Variants in FAXC observed in about 807,000 individuals in gnomAD.
FAXC encodes failed axon connections homolog, metaxin like GST domain containing, also known as failed axon connections homolog.
A neutral mutation model predicts 41.9 loss-of-function variants in FAXC; 10 were observed. The observed-to-expected ratio is 0.24, with a 90% confidence interval of 0.15 to 0.41. The LOEUF is 0.41. FAXC is among the 10% of genes least tolerant of loss of function. The probability of loss-of-function intolerance (pLI) is 1.00; values close to 1 mark genes in which losing one functional copy is unlikely to be tolerated. For synonymous variants in FAXC, 183 were observed against 183.8 expected, an observed-to-expected ratio of 1.00 and a Z score of 0.03; for missense variants, 399 against 510.9, an observed-to-expected ratio of 0.78 and a Z score of 2.11.
intron 3 of FAXC, among the ~76,000 whole-genome samples, chr6:99,325,830 C>T (rs1388677585): frequency 1.3e-5 from 2 of 152,082 alleles, no homozygotes; most frequent in East Asian, 1.9e-4. Context: ...TAATAGCATC[C>T]GAAAAGCATC....
intron 5 of FAXC, among the ~76,000 whole-genome samples, chr6:99,288,859 T>TATACACACACACACACACACACACAC (rs145248580): frequency 6.9e-6 from 1 of 145,736 alleles, no homozygotes; most frequent in Non-Finnish European, 1.5e-5. Flanking sequence ...CACACACACA[T>TATACACACACACACACACACACACAC]ACACACACAC....
intron 4 of FAXC, among the ~76,000 whole-genome samples, chr6:99,310,132 A>G (rs1359538036): frequency 6.6e-6 from 1 of 152,164 alleles, no homozygotes; most frequent in Non-Finnish European, 1.5e-5. Context: ...AAAAAAGTCT[A>G]CTGTCTAGGC....
At chr6:99,310,791 C>T (rs1772125925) in intron 4 of FAXC, among the ~76,000 whole-genome samples, 1 of 152,232 alleles carries the variant, frequency 6.6e-6, no homozygotes, top group Admixed American at 6.5e-5. Context: ...TCCTTTTCCA[C>T]TGCCTGGTTC....
chr6:99,304,461 C>A (rs1181834279), intron 4 of FAXC, among the ~76,000 whole-genome samples: 1 of 152,032 alleles, frequency 6.6e-6, no homozygotes, highest in Non-Finnish European at 1.5e-5. Flanking sequence ...AAACACAAAC[C>A]CCACGTTTCC....
At position 99,273,641 on chromosome 6, in the gene FAXC, T is replaced by C. The variant is rs549754673; in HGVS notation, c.*7523A>G. On this transcript the variant is annotated 3_prime_UTR_variant, in exon 6 of 6. Coordinates refer to ENST00000389677, the MANE Select transcript of FAXC (RefSeq NM_032511.4). ...CAAAAATGCCTATTTTAAGTAAAAATAATTAAATACCTTGACCTAAAATCA... is the reference window on the plus strand; with the variant it reads ...CAAAAATGCCTATTTTAAGTAAAAACAATTAAATACCTTGACCTAAAATCA... 6.6e-6 allele frequency: 1 copy of C among 151,768 alleles called. No individual in the cohort carries two copies. Among genetic ancestry groups the C allele is most frequent in the East Asian group, 1.9e-4 (1 of 5,170 alleles). The allele number at this position is 151,768 out of a possible 1,614,324, so 9.4% of individuals were successfully genotyped here.
intron 1 of FAXC, among the ~76,000 whole-genome samples, chr6:99,344,055 C>A (rs1773511297): frequency 6.6e-6 from 1 of 152,192 alleles, no homozygotes; most frequent in Admixed American, 6.5e-5. Context: ...GGTGTCAAAT[C>A]CAAGCCCTGC....
chr6:99,325,964 G>C (rs981776630), intron 3 of FAXC, among the ~76,000 whole-genome samples: 1 of 152,198 alleles, frequency 6.6e-6, no homozygotes, highest in African/African-American at 2.4e-5. Context: ...GGGCAGAGCA[G>C]AGGGTGAAGG....
rs951824808 is a variant in FAXC at position 99,280,960 on chromosome 6, C to T, written c.*204G>A. 3 of 516,278 alleles carry T rather than the reference C, an allele frequency of 5.8e-6. No homozygotes were observed. Among genetic ancestry groups the T allele is most frequent in the South Asian group, 2.8e-5 (1 of 35,422 alleles). The allele number at this position is 516,278 out of a possible 1,614,324, so 32.0% of individuals were successfully genotyped here. The stretch of plus-strand genomic sequence containing the variant: ...GGAACCATGCTGACATTATTTTTTG[C>T]CTGTTTGTTTTCAATGGAGTCATCT... On this transcript the variant is annotated 3_prime_UTR_variant, in exon 6 of 6. Coordinates refer to ENST00000389677, the MANE Select transcript of FAXC (RefSeq NM_032511.4).
At chr6:99,283,051 T>A (rs552603559) in intron 5 of FAXC, among the ~76,000 whole-genome samples, 1 of 152,330 alleles carries the variant, frequency 6.6e-6, no homozygotes, top group African/African-American at 2.4e-5. Flanking sequence ...GGCTGTACCA[T>A]AGCTTCAGTT....
At chr6:99,348,624 T>C (rs868269420) in intron 1 of FAXC, among the ~76,000 whole-genome samples, 5 of 152,342 alleles carry the variant, frequency 3.3e-5, no homozygotes, top group Non-Finnish European at 5.9e-5. Context: ...CATGCATCTT[T>C]AACAGGGACC....
At chr6:99,311,797 C>T (rs987664293) in intron 4 of FAXC, among the ~76,000 whole-genome samples, 2 of 152,172 alleles carry the variant, frequency 1.3e-5, no homozygotes, top group African/African-American at 4.8e-5. Context: ...CTGCCTTACC[C>T]TGAGTTGAAA....
intron 2 of FAXC, among the ~76,000 whole-genome samples, chr6:99,341,394 AAG>A (rs1037970145): frequency 2.0e-5 from 3 of 152,104 alleles, no homozygotes; most frequent in African/African-American, 4.8e-5. Context: ...GGGCGAGAAA[AAG>A]AGAGAGAGAA....
intron 3 of FAXC, among the ~76,000 whole-genome samples, chr6:99,327,706 C>T (rs954287142): frequency 4.6e-5 from 7 of 152,134 alleles, no homozygotes; most frequent in African/African-American, 1.4e-4. Flanking sequence ...GTGGATGACC[C>T]TCAGGAACTG....
intron 4 of FAXC, among the ~76,000 whole-genome samples, chr6:99,294,088 A>G (rs925698097): frequency 6.6e-6 from 1 of 152,214 alleles, no homozygotes; most frequent in African/African-American, 2.4e-5. Context: ...GAACCTAACC[A>G]AATTGCCTTT....
intron 5 of FAXC, among the ~76,000 whole-genome samples, chr6:99,291,417 T>C (rs1051593015): frequency 7.2e-5 from 11 of 152,142 alleles, no homozygotes; most frequent in African/African-American, 2.7e-4. Flanking sequence ...TAAGTCCCAC[T>C]ATGTAAGCAG....
At chr6:99,313,285 C>A (rs545309449) in intron 4 of FAXC, among the ~76,000 whole-genome samples, 1 of 152,148 alleles carries the variant, frequency 6.6e-6, no homozygotes, top group Non-Finnish European at 1.5e-5. Flanking sequence ...AGAGTGAGAC[C>A]TTGTCTCAAC....
intron 5 of FAXC, among the ~76,000 whole-genome samples, chr6:99,284,696 T>G (rs1460742256): frequency 6.6e-6 from 1 of 151,914 alleles, no homozygotes; most frequent in East Asian, 1.9e-4. Context: ...GCGGATCACC[T>G]GAGGCCAGGA....
chr6:99,341,842 G>C (rs1773439144), intron 2 of FAXC, among the ~76,000 whole-genome samples: 1 of 152,154 alleles, frequency 6.6e-6, no homozygotes, highest in Non-Finnish European at 1.5e-5. Flanking sequence ...TAAAGCTTCA[G>C]TGAATTCCAA....
chr6:99,349,617 G>A lies in FAXC; in HGVS notation c.-245C>T, dbSNP rs1279306610. On this transcript the variant is annotated 5_prime_UTR_variant, in exon 1 of 6. Transcript: ENST00000389677. ...GCCCTGGGCGGCAGCAGCGGCCGCCGGCTCCCCCCGCAGCTGCCTCTCCGC... is the reference window on the plus strand; with the variant it reads ...GCCCTGGGCGGCAGCAGCGGCCGCCAGCTCCCCCCGCAGCTGCCTCTCCGC... The A allele has an allele frequency of 6.5e-6, 1 of 154,080 alleles. No homozygotes were observed. Among genetic ancestry groups the A allele is most frequent in the African/African-American group, 2.4e-5 (1 of 41,410 alleles). 9.5% of individuals were successfully genotyped at this position (154,080 alleles called of 1,614,324 possible). A position where few individuals can be genotyped will look rare whatever the true frequency, so the allele number is the denominator to read the frequency against.
Sources: gnomAD v4.1 joint callset for allele counts (sites outside exome capture counted in the v4.1 genomes callset) on GRCh38, gnomAD v4.1.1 for gene constraint, MANE v1.5 for transcripts, NCBI Gene and HGNC (gene_info 2026-07-23, HGNC 2026-07-21) for gene names.